P2RY8: variants seen among roughly 807,000 people sequenced by gnomAD.
The protein encoded by P2RY8 is P2Y receptor family member 8.
A neutral mutation model predicts 10.0 loss-of-function variants in P2RY8; 6 were observed. The ratio of observed to expected loss-of-function variants is 0.60; its 90% CI spans 0.33 to 1.19. The LOEUF is 1.19. Ranked by LOEUF, P2RY8 falls within the 50% of genes most tolerant of loss-of-function variation. P2RY8 has a pLI of 0.04. For missense variants in P2RY8, 456 were observed against 542.0 expected (o/e 0.84, Z 1.58); for synonymous variants, 276 against 252.5 (o/e 1.09, Z -0.88).
chrX:1,469,242 C>A (rs1231543542), intron 1 of P2RY8, among the ~76,000 whole-genome samples: 1 of 148,750 alleles, frequency 6.7e-6, no homozygotes, highest in African/African-American at 2.5e-5. Context: ...CGGCTCACTG[C>A]AACCTCTGTC....
rs755832825 is a variant in P2RY8, at chrX:1,465,850, C to T, written c.709G>A (p.Gly237Ser). ...GCCAGCAAGACCACCGCGGCCAGGCCCACCGCGCGCCTCCGCTGCTCCCGG... is the reference window on the plus strand; with the variant it reads ...GCCAGCAAGACCACCGCGGCCAGGCTCACCGCGCGCCTCCGCTGCTCCCGG... ...HGREQRRRAV[G>S]LAAVVLLAFV... Residue 237 changes from glycine to serine, a missense_variant, in exon 2 of 2, where the codon GGC becomes AGC. Physicochemically the swap from Gly to Ser is moderately conservative, Grantham distance 56 (BLOSUM62 0). Coordinates refer to ENST00000381297, the MANE Select transcript of P2RY8 (RefSeq NM_178129.5). The T allele has an allele frequency of 9.9e-6, 16 of 1,612,620 alleles. No homozygotes were observed. The South Asian group carries it at 1.8e-4, about 18-fold the overall frequency.
intron 1 of P2RY8, among the ~76,000 whole-genome samples, chrX:1,517,097 C>A (rs769298762): frequency 2.7e-5 from 4 of 148,528 alleles, no homozygotes; most frequent in African/African-American, 1.0e-4. Context: ...GGAGGAACCA[C>A]CCCTGCCCAC....
At chrX:1,469,612 C>G (rs1363182306) in intron 1 of P2RY8, among the ~76,000 whole-genome samples, 1 of 152,122 alleles carries the variant, frequency 6.6e-6, no homozygotes, top group Non-Finnish European at 1.5e-5. Flanking sequence ...GCTTTGCCAG[C>G]CGGGCACGGT....
rs200299129 is a variant in P2RY8, at chrX:1,525,772, GTCCA to G, written c.-25+11145_-25+11148del. ...TATCCATCCACTCATCCATCCATCT[GTCCA>G]TCCATCCATCCATCCATTTATCCAT... On this transcript the variant is annotated intron_variant, in intron 1 of 1. Transcript: ENST00000381297. 3.3e-3 allele frequency among the ~76,000 whole-genome samples: 487 copies of G among 148,306 alleles called. 22 individuals carry two copies. The East Asian group carries it at 0.092, about 28-fold the overall frequency.
rs1432311627 is a variant in P2RY8 at position 1,514,314 on chromosome X, CCTTTCCTTTCCATTT to C, written c.-25+22592_-25+22606del. Among the ~76,000 whole-genome samples the C allele has an allele frequency of 1.2e-4, 17 of 145,550 alleles. No individual in the cohort carries two copies. In the South Asian group the frequency reaches 2.8e-3, roughly 24 times the overall value. ...ACACCCGCCCCTTTCCTTTCCTTTTCCTTTCCTTTCCATTTCTTTCCTTTCCTTCCCTTCCCTTTT... is the reference window on the plus strand; with the variant it reads ...ACACCCGCCCCTTTCCTTTCCTTTTCCTTTCCTTTCCTTCCCTTCCCTTTT... On this transcript the variant is annotated intron_variant, in intron 1 of 1. Coordinates refer to ENST00000381297, the MANE Select transcript of P2RY8 (RefSeq NM_178129.5).
Position 1,521,469 on chromosome X carries a change from G to A in P2RY8, c.-25+15452C>T, listed in dbSNP as rs141937181. ...TAATCCTTATGCTCCACTTTAATCCGTCCCAGTATGGACAAACCCTAAGAT... is the reference window on the plus strand; with the variant it reads ...TAATCCTTATGCTCCACTTTAATCCATCCCAGTATGGACAAACCCTAAGAT... On this transcript the variant is annotated intron_variant, in intron 1 of 1. Transcript: ENST00000381297. 2.1e-3 allele frequency among the ~76,000 whole-genome samples: 321 copies of A among 151,928 alleles called. 1 individual carries two copies. The highest frequency in any genetic ancestry group is 7.5e-3 in the African/African-American group (311 of 41,378).
chrX:1,509,343 TCATCCATC>T (rs745416588), intron 1 of P2RY8, among the ~76,000 whole-genome samples: 3 of 140,130 alleles, frequency 2.1e-5, no homozygotes, highest in Non-Finnish European at 3.1e-5. Flanking sequence ...TATCTATCCA[TCATCCATC>T]CATCCATCCA....
intron 1 of P2RY8, among the ~76,000 whole-genome samples, chrX:1,497,424 G>A (rs1451494700): frequency 8.6e-5 from 13 of 151,676 alleles, no homozygotes; most frequent in Non-Finnish European, 1.5e-4. Flanking sequence ...TTGGGAGGCC[G>A]AGGTGGGCAG....
intron 1 of P2RY8, among the ~76,000 whole-genome samples, chrX:1,513,623 C>T (rs1179994749): frequency 5.9e-5 from 9 of 151,530 alleles, no homozygotes; most frequent in African/African-American, 2.2e-4. Flanking sequence ...AGGTCCTTAA[C>T]TTAATGACAT....
chrX:1,534,143 C>CAT (rs1491494129), intron 1 of P2RY8, among the ~76,000 whole-genome samples: 1 of 128,782 alleles, frequency 7.8e-6, no homozygotes, highest in Admixed American at 8.6e-5. Flanking sequence ...TATATATTTA[C>CAT]ATATATATTT....
At chrX:1,500,196 T>C (rs1188226115) in intron 1 of P2RY8, among the ~76,000 whole-genome samples, 3 of 152,036 alleles carry the variant, frequency 2.0e-5, no homozygotes, top group Admixed American at 1.3e-4. Flanking sequence ...GTTTTCGGTG[T>C]ACAAATCTAC....
At position 1,462,820 on chromosome X, in the gene P2RY8, T is replaced by C. The variant is rs2091602318; in HGVS notation, c.*2659A>G. The C allele has an allele frequency of 8.6e-6, 2 of 233,026 alleles. No homozygotes were observed. Among genetic ancestry groups the C allele is most frequent in the East Asian group, 1.2e-4 (2 of 16,562 alleles). The allele number at this position is 233,026 out of a possible 1,614,324, so 14.4% of individuals were successfully genotyped here. ...AAGAACAGAAGTAAAGTTTTCCATC[T>C]TAAAACATGTGTGTGAGTCAATAGA... On this transcript the variant is annotated 3_prime_UTR_variant, in exon 2 of 2. Coordinates refer to ENST00000381297, the MANE Select transcript of P2RY8 (RefSeq NM_178129.5).
At chrX:1,488,306 A>G (rs2092006406) in intron 1 of P2RY8, among the ~76,000 whole-genome samples, 1 of 152,128 alleles carries the variant, frequency 6.6e-6, no homozygotes, top group Non-Finnish European at 1.5e-5. Flanking sequence ...CCAAGTGACT[A>G]CTACTCAAAG....
At chrX:1,524,890 T>TATCC (rs567762716) in intron 1 of P2RY8, among the ~76,000 whole-genome samples, 64,555 of 110,256 alleles carry the variant, frequency 0.59, 19,992 homozygotes, top group East Asian at 0.9. Context: ...TCCATCCATC[T>TATCC]ATCCATCCAT....
chrX:1,531,833 A>G (rs2092477904), intron 1 of P2RY8, among the ~76,000 whole-genome samples: 2 of 152,174 alleles, frequency 1.3e-5, no homozygotes, highest in South Asian at 4.1e-4. Context: ...ATGATCAGGG[A>G]AATGCAAATC....
At chrX:1,523,985 C>G (rs2092411275) in intron 1 of P2RY8, among the ~76,000 whole-genome samples, 1 of 152,148 alleles carries the variant, frequency 6.6e-6, no homozygotes, top group Non-Finnish European at 1.5e-5. Context: ...GCCACTGTGC[C>G]CGGCAAAGAT....
At chrX:1,472,751 A>T (rs759552274) in intron 1 of P2RY8, among the ~76,000 whole-genome samples, 20 of 126,338 alleles carry the variant, frequency 1.6e-4, no homozygotes, top group African/African-American at 5.9e-4. Flanking sequence ...GGATGGATAG[A>T]TCAGTGTTTA....
At chrX:1,529,316 C>T (rs1379361629) in intron 1 of P2RY8, among the ~76,000 whole-genome samples, 1 of 152,038 alleles carries the variant, frequency 6.6e-6, no homozygotes, top group Non-Finnish European at 1.5e-5. Flanking sequence ...GTCCCTTGAC[C>T]CAGCCCATTC....
chrX:1,506,682 CT>C (rs765827943), intron 1 of P2RY8, among the ~76,000 whole-genome samples: 36,739 of 144,836 alleles, frequency 0.25, 5,639 homozygotes, highest in East Asian at 0.7. Flanking sequence ...TTCTTTCTTT[CT>C]TTTTTTTTTT....
Sources: gnomAD v4.1 joint callset for allele counts (sites outside exome capture counted in the v4.1 genomes callset) on GRCh38, gnomAD v4.1.1 for gene constraint, MANE v1.5 for transcripts, NCBI Gene and HGNC (gene_info 2026-07-23, HGNC 2026-07-21) for gene names.